CFAP107: variants seen among roughly 807,000 people sequenced by gnomAD.
CFAP107 encodes cilia and flagella associated protein 107, also known as cilia- and flagella-associated protein 107.
the CFAP107 span, among the ~76,000 whole-genome samples, chr1:12,748,636 G>A: frequency 6.6e-6 from 1 of 152,018 alleles, no homozygotes; most frequent in Admixed American, 6.5e-5. Flanking sequence ...AGATTTGGCT[G>A]CTTTTCAAAC....
the CFAP107 span, chr1:12,760,847 A>G: frequency 6.2e-7 from 1 of 1,614,182 alleles, no homozygotes; most frequent in Non-Finnish European, 8.5e-7. Context: ...GAAGCAGAGC[A>G]CTTATACTTC....
At chr1:12,753,417 A>T in the CFAP107 span, 1 of 152,020 alleles carries the variant, frequency 6.6e-6, no homozygotes, top group Admixed American at 6.5e-5. Flanking sequence ...GGCCAAAACA[A>T]TCTTGAAAAA....
chr1:12,752,950 T>C, the CFAP107 span, among the ~76,000 whole-genome samples: 2 of 152,182 alleles, frequency 1.3e-5, no homozygotes, highest in African/African-American at 2.4e-5. Flanking sequence ...CATGATTTTA[T>C]ATACAGGAAA....
chr1:12,751,489 T>C, the CFAP107 span, among the ~76,000 whole-genome samples: 2 of 151,962 alleles, frequency 1.3e-5, no homozygotes, highest in Admixed American at 1.3e-4. Flanking sequence ...TAGCTGGGTG[T>C]CGTGGTGCAT....
chr1:12,749,881 A>G, the CFAP107 span, among the ~76,000 whole-genome samples: 1 of 152,206 alleles, frequency 6.6e-6, no homozygotes, highest in South Asian at 2.1e-4. Context: ...AAACAAAAGG[A>G]CATTAGACAG....
chr1:12,750,986 A>C, the CFAP107 span, among the ~76,000 whole-genome samples: 1 of 152,214 alleles, frequency 6.6e-6, no homozygotes, highest in East Asian at 1.9e-4. Flanking sequence ...TTAACGATTA[A>C]TAGCAGAAGA....
At chr1:12,759,438 T>C in the CFAP107 span, 1 of 1,614,012 alleles carries the variant, frequency 6.2e-7, no homozygotes. Context: ...GCACTTGGAA[T>C]GGACAGAAGT....
the CFAP107 span, chr1:12,762,272 G>A: frequency 6.6e-6 from 1 of 151,860 alleles, no homozygotes; most frequent in East Asian, 1.9e-4. Flanking sequence ...CACAGGCTAA[G>A]TCCTCTATGT....
At chr1:12,755,873 A>G in the CFAP107 span, 2 of 1,171,786 alleles carry the variant, frequency 1.7e-6, no homozygotes, top group African/African-American at 3.0e-5. Flanking sequence ...CTCAGGGGAC[A>G]CCAGCCAGCT....
the CFAP107 span, chr1:12,762,230 G>T: frequency 6.6e-6 from 1 of 152,234 alleles, no homozygotes; most frequent in Non-Finnish European, 1.5e-5. Flanking sequence ...TAAGGACGCT[G>T]TCTTCCATCC....
the CFAP107 span, chr1:12,746,663 T>A: frequency 1.4e-6 from 1 of 702,202 alleles, no homozygotes; most frequent in Non-Finnish European, 2.5e-6. Flanking sequence ...AAATGTGGCA[T>A]TGGGGTCTCT....
At chr1:12,747,955 C>T in the CFAP107 span, among the ~76,000 whole-genome samples, 4 of 152,096 alleles carry the variant, frequency 2.6e-5, no homozygotes, top group Non-Finnish European at 4.4e-5. Context: ...AGCACAAAAA[C>T]GTTATAGGAG....
chr1:12,757,345 CTCTTT>C, the CFAP107 span, among the ~76,000 whole-genome samples: 1 of 82,640 alleles, frequency 1.2e-5, no homozygotes, highest in Non-Finnish European at 2.5e-5. Flanking sequence ...CTTTTCTTTT[CTCTTT>C]TCTTTTCTTT....
chr1:12,759,552 G>A, the CFAP107 span: 2 of 1,580,622 alleles, frequency 1.3e-6, no homozygotes, highest in Admixed American at 1.7e-5. Flanking sequence ...CAACGGAGCT[G>A]TACCTGCCTC....
chr1:12,756,534 C>A, the CFAP107 span, among the ~76,000 whole-genome samples: 1 of 152,166 alleles, frequency 6.6e-6, no homozygotes, highest in Non-Finnish European at 1.5e-5. Context: ...CTTGTAGGTG[C>A]TCACCCACTG....
At chr1:12,747,737 G>A in the CFAP107 span, among the ~76,000 whole-genome samples, 1 of 152,176 alleles carries the variant, frequency 6.6e-6, no homozygotes, top group Non-Finnish European at 1.5e-5. Flanking sequence ...TTGGTGAGCA[G>A]GTGTGTGCAA....
chr1:12,755,668 A>C, the CFAP107 span: 976 of 1,463,824 alleles, frequency 6.7e-4, no homozygotes, highest in Non-Finnish European at 8.1e-4. Flanking sequence ...GTGGCATCTC[A>C]GAGGTTTTCC....
the CFAP107 span, chr1:12,746,297 C>A: frequency 1.7e-6 from 1 of 597,210 alleles, no homozygotes; most frequent in Non-Finnish European, 3.1e-6. Flanking sequence ...AAGGAGTCAT[C>A]TACTAGCCAT....
the CFAP107 span, chr1:12,759,225 T>A: frequency 5.4e-6 from 8 of 1,486,652 alleles, no homozygotes; most frequent in Non-Finnish European, 7.4e-6. Flanking sequence ...CACAGACCCC[T>A]ACATGTGGCA....
Sources: gnomAD v4.1 joint callset for allele counts (sites outside exome capture counted in the v4.1 genomes callset) on GRCh38, gnomAD v4.1.1 for gene constraint, MANE v1.5 for transcripts, NCBI Gene and HGNC (gene_info 2026-07-23, HGNC 2026-07-21) for gene names.